The following TLL1 variants were observed in gnomAD, a reference collection of about 807,000 sequenced individuals.
TLL1 encodes tolloid like 1.
Under a neutral mutation model 128.2 loss-of-function variants are expected in TLL1, and 49 were observed. The ratio of observed to expected loss-of-function variants is 0.38; its 90% CI spans 0.30 to 0.48. TLL1 has a LOEUF of 0.48. TLL1 is among the 20% of genes least tolerant of loss of function. TLL1 has a pLI of 0.96. For synonymous variants in TLL1, 454 were observed against 418.8 expected (o/e 1.08, Z -1.03); for missense variants, 1,123 against 1,242.0 (o/e 0.90, Z 1.44).
At chr4:166,005,433 G>A (rs1211258395) in intron 6 of TLL1, among the ~76,000 whole-genome samples, 1 of 151,946 alleles carries the variant, frequency 6.6e-6, no homozygotes, top group African/African-American at 2.4e-5. Context: ...GGTAGAGTAT[G>A]TCCTAAAAGA....
intron 1 of TLL1, among the ~76,000 whole-genome samples, chr4:165,885,070 G>A (rs1731109397): frequency 2.0e-5 from 3 of 152,062 alleles, no homozygotes; most frequent in Admixed American, 2.0e-4. Context: ...CTGTTCTACT[G>A]TGATTTTGAA....
rs1047479339 is a variant in TLL1 at position 166,093,589 on chromosome 4, C to A, written c.2656+2248C>A. The stretch of plus-strand genomic sequence containing the variant: ...GCAGGAGACAGTGGCTTTCCTCTAT[C>A]TGAACTGCAAGAGGCTTTCCTCTTT... On this transcript the variant is annotated intron_variant, in intron 19 of 20. Coordinates refer to ENST00000061240, the MANE Select transcript of TLL1 (RefSeq NM_012464.5). Among the ~76,000 whole-genome samples, 3 of 152,166 alleles carry A rather than the reference C, an allele frequency of 2.0e-5. No homozygotes were observed. The East Asian group carries it at 5.8e-4, about 29-fold the overall frequency.
chr4:165,951,500 A>G (rs1292341587), intron 1 of TLL1, among the ~76,000 whole-genome samples: 1 of 152,172 alleles, frequency 6.6e-6, no homozygotes, highest in African/African-American at 2.4e-5. Context: ...AGTTAATGCC[A>G]TGGGCAGTGA....
At chr4:166,032,104 A>T (rs1406721623) in intron 9 of TLL1, among the ~76,000 whole-genome samples, 6 of 152,054 alleles carry the variant, frequency 3.9e-5, no homozygotes, top group Non-Finnish European at 7.4e-5. Flanking sequence ...TTTTCTCTAA[A>T]ATCAAAATAA....
intron 1 of TLL1, among the ~76,000 whole-genome samples, chr4:165,919,608 C>T (rs1213250378): frequency 6.6e-6 from 1 of 152,002 alleles, no homozygotes; most frequent in East Asian, 1.9e-4. Context: ...CAAGGCTAAC[C>T]TCCAAATGAA....
At chr4:165,893,868 A>G (rs1731531925) in intron 1 of TLL1, among the ~76,000 whole-genome samples, 1 of 152,192 alleles carries the variant, frequency 6.6e-6, no homozygotes, top group Non-Finnish European at 1.5e-5. Flanking sequence ...AAGGGATCCA[A>G]GCAACTTTAC....
intron 1 of TLL1, among the ~76,000 whole-genome samples, chr4:165,940,741 A>C (rs969351589): frequency 5.9e-5 from 9 of 152,132 alleles, no homozygotes; most frequent in Admixed American, 2.6e-4. Context: ...TATGATGAGG[A>C]TATGTGACTT....
chr4:165,975,931 A>G (rs1336391345), intron 1 of TLL1, among the ~76,000 whole-genome samples: 3 of 147,820 alleles, frequency 2.0e-5, no homozygotes, highest in African/African-American at 7.4e-5. Context: ...CCGGCTACTC[A>G]GGAGGCTGAG....
intron 7 of TLL1, among the ~76,000 whole-genome samples, chr4:166,013,875 C>T (rs1420941852): frequency 3.3e-5 from 5 of 151,394 alleles, no homozygotes; most frequent in Non-Finnish European, 7.4e-5. Context: ...CTTTAAACTG[C>T]CCTAAGTTTT....
At chr4:165,874,932 G>C (rs1730658304) in intron 1 of TLL1, 1 of 152,324 alleles carries the variant, frequency 6.6e-6, no homozygotes, top group African/African-American at 2.4e-5. Flanking sequence ...GCTACCACGT[G>C]AGCGCAGCGC....
rs34063206 is a variant in TLL1 at position 166,077,229 on chromosome 4, T to TAA, written c.2315-661_2315-660dup. ...GTCTAAAATGAGGTTATTTTAATTG[T>TAA]AAAAAAAAAAAAAACCCTTAAGTAA... On this transcript the variant is annotated intron_variant, in intron 17 of 20. Transcript: ENST00000061240. 7.5e-3 allele frequency among the ~76,000 whole-genome samples: 1,097 copies of TAA among 145,964 alleles called. 11 individuals are homozygous for TAA. Among genetic ancestry groups the TAA allele is most frequent in the African/African-American group, 0.026 (1,025 of 40,046 alleles).
chr4:165,904,621 A>T (rs1579466068), intron 1 of TLL1, among the ~76,000 whole-genome samples: 1 of 152,312 alleles, frequency 6.6e-6, no homozygotes, highest in African/African-American at 2.4e-5. Context: ...TCTATCAGCT[A>T]ATTAATTCCT....
intron 1 of TLL1, among the ~76,000 whole-genome samples, chr4:165,926,479 G>A (rs1733274353): frequency 1.3e-5 from 2 of 152,146 alleles, no homozygotes; most frequent in African/African-American, 4.8e-5. Context: ...TGTGGGGACA[G>A]GAATTCCACA....
chr4:165,967,615 T>G (rs1362310401), intron 1 of TLL1, among the ~76,000 whole-genome samples: 1 of 152,230 alleles, frequency 6.6e-6, no homozygotes, highest in Non-Finnish European at 1.5e-5. Context: ...GTTAAAAGCA[T>G]TCCAGGAAGA....
chr4:166,091,159 A>G lies in TLL1; in HGVS notation c.2474A>G (p.Gln825Arg). The change falls in exon 19 of 21, where the codon CAA becomes CGA. Residue 825 changes from glutamine (Q) to arginine (R), a missense_variant. Coordinates refer to ENST00000061240, the MANE Select transcript of TLL1 (RefSeq NM_012464.5). ...AGTGAATTTGAGATTGAGCAGCATCAAGAATGTGCTTATGACCACTTAGAA... is the reference window on the plus strand; with the variant it reads ...AGTGAATTTGAGATTGAGCAGCATCGAGAATGTGCTTATGACCACTTAGAA... ...AFSEFEIEQH[Q>R]ECAYDHLEVF... The G allele has an allele frequency of 6.2e-7, 1 of 1,613,068 alleles. No homozygotes were observed.
At chr4:165,953,332 C>G (rs527354063) in intron 1 of TLL1, among the ~76,000 whole-genome samples, 2 of 152,116 alleles carry the variant, frequency 1.3e-5, no homozygotes, top group South Asian at 4.1e-4. Flanking sequence ...AGATGGACAG[C>G]CTGTGCTTTC....
intron 2 of TLL1, among the ~76,000 whole-genome samples, chr4:165,991,399 C>T (rs779814413): frequency 1.4e-4 from 22 of 151,948 alleles, no homozygotes; most frequent in Non-Finnish European, 3.1e-4. Flanking sequence ...ACATAATGGT[C>T]ATTTCAAACA....
intron 5 of TLL1, among the ~76,000 whole-genome samples, chr4:165,996,390 C>T (rs1736876717): frequency 6.6e-6 from 1 of 152,152 alleles, no homozygotes; most frequent in South Asian, 2.1e-4. Context: ...AGATGGATAA[C>T]TTGAGGTCAG....
chr4:166,085,869 T>A (rs1050893508), intron 18 of TLL1, among the ~76,000 whole-genome samples: 3 of 152,172 alleles, frequency 2.0e-5, no homozygotes, highest in African/African-American at 7.2e-5. Context: ...GACAATTTTT[T>A]AAATCGTAGT....
Sources: gnomAD v4.1 joint callset for allele counts (sites outside exome capture counted in the v4.1 genomes callset) on GRCh38, gnomAD v4.1.1 for gene constraint, MANE v1.5 for transcripts, NCBI Gene and HGNC (gene_info 2026-07-23, HGNC 2026-07-21) for gene names.